Variants in DNAH7 observed in about 807,000 individuals in gnomAD.
DNAH7 encodes dynein axonemal heavy chain 7.
Under a neutral mutation model 444.6 loss-of-function variants are expected in DNAH7, and 397 were observed. The observed-to-expected ratio is 0.89, with a 90% CI of 0.82 to 0.97. The LOEUF (loss-of-function observed/expected upper bound fraction) is 0.97. Among genes scored for constraint, DNAH7 ranks in the 50% least tolerant of loss-of-function variants. The probability of loss-of-function intolerance (pLI) is 0.00; values close to 1 mark genes in which losing one functional copy is unlikely to be tolerated. For missense variants in DNAH7, 4,902 were observed against 4,800.8 expected (o/e 1.02, Z -0.62); for synonymous variants, 1,636 against 1,624.4 (o/e 1.01, Z -0.17).
At chr2:195,787,398 C>T (rs1695673627) in intron 57 of DNAH7, among the ~76,000 whole-genome samples, 1 of 151,990 alleles carries the variant, frequency 6.6e-6, no homozygotes, top group Admixed American at 6.6e-5. Flanking sequence ...GCTGTGTACC[C>T]CAGGTTTTTA....
At chr2:195,767,970 T>C (rs1173139204) in intron 61 of DNAH7, among the ~76,000 whole-genome samples, 1 of 151,736 alleles carries the variant, frequency 6.6e-6, no homozygotes, top group East Asian at 1.9e-4. Context: ...ATTGAAAAAA[T>C]TGAAGTATTT....
intron 24 of DNAH7, among the ~76,000 whole-genome samples, chr2:195,918,762 T>C (rs1687841270): frequency 6.6e-6 from 1 of 152,122 alleles, no homozygotes; most frequent in Non-Finnish European, 1.5e-5. Context: ...GAGGAAATTA[T>C]ATGTGGAGCA....
intron 48 of DNAH7, among the ~76,000 whole-genome samples, chr2:195,833,889 G>C (rs573829562): frequency 6.6e-6 from 1 of 152,088 alleles, no homozygotes; most frequent in Admixed American, 6.5e-5. Flanking sequence ...TGAGTAGCTG[G>C]GATTACAGGC....
In DNAH7 at chr2:195,864,871, C is replaced by T. The variant is rs764263423; in HGVS notation, c.6784G>A (p.Ala2262Thr). The change falls in exon 41 of 65, where the codon GCA becomes ACA. Residue 2262 changes from alanine to threonine, a missense_variant. By Grantham distance (58) the Ala-to-Thr change is moderately conservative. Coordinates refer to ENST00000312428, the MANE Select transcript of DNAH7 (RefSeq NM_018897.3). ...AACATTAAGCTGCGTAAGTCATCTG[C>T]TTCCACCATGCCATCATTATCAAAA... ...LDFDNDGMVEADDLRSLMFCD... is the reference protein window; with the variant it reads ...LDFDNDGMVETDDLRSLMFCD... The T allele has an allele frequency of 1.9e-6, 3 of 1,614,094 alleles. No individual in the cohort carries two copies. Among genetic ancestry groups the T allele is most frequent in the South Asian group, 1.1e-5 (1 of 91,080 alleles).
intron 45 of DNAH7, among the ~76,000 whole-genome samples, chr2:195,854,351 G>A (rs926896929): frequency 2.0e-5 from 3 of 152,050 alleles, no homozygotes; most frequent in Non-Finnish European, 1.5e-5. Flanking sequence ...AAGACATTTA[G>A]GTTATTTTGG....
rs144122020 is a variant in DNAH7 at position 195,805,369 on chromosome 2, A to AG, written c.10176+1370dup. On this transcript the variant is annotated intron_variant, in intron 54 of 64. Coordinates refer to ENST00000312428, the MANE Select transcript of DNAH7 (RefSeq NM_018897.3). The stretch of plus-strand genomic sequence containing the variant: ...ACTGAAAATTTTAATAAAATGTTTT[A>AG]GAGGAGGAAGCCACATTAAACAACA... Among the ~76,000 whole-genome samples the AG allele has an allele frequency of 7.7e-3, 1,174 of 152,318 alleles. 73 individuals carry two copies. The East Asian group carries it at 0.16, about 21-fold the overall frequency.
chr2:195,983,086 T>C (rs539189852), intron 15 of DNAH7, among the ~76,000 whole-genome samples: 63 of 152,302 alleles, frequency 4.1e-4, no homozygotes, highest in Middle Eastern at 3.4e-3. Context: ...ATATCTCATA[T>C]TCCCCATAAA....
intron 30 of DNAH7, among the ~76,000 whole-genome samples, chr2:195,892,131 A>G (rs1702048222): frequency 2.0e-5 from 3 of 152,232 alleles, no homozygotes; most frequent in African/African-American, 7.2e-5. Flanking sequence ...TCTTCTGTAA[A>G]AGATAAGATG....
At position 195,799,462 on chromosome 2, in the gene DNAH7, AT is replaced by A; in HGVS notation, c.10186del (p.Met3396CysfsTer6). Reference sequence around the variant, plus strand: ...TCTGTTGATTATAAATTCCTGCAACATTGGAATAACCTAGAAAGAGACAAGG... The same window carrying A: ...TCTGTTGATTATAAATTCCTGCAACATGGAATAACCTAGAAAGAGACAAGG... Reference protein sequence around the residue: ...RCLRPDKVIPMLQEFIINRLG... With the variant: ...RCLRPDKVIPXLQEFIINRLG... On this transcript the variant is annotated frameshift_variant, in exon 55 of 65. Coordinates refer to ENST00000312428, the MANE Select transcript of DNAH7 (RefSeq NM_018897.3). LOFTEE classifies it high-confidence loss of function. The A allele has an allele frequency of 1.9e-6, 3 of 1,598,970 alleles. No homozygotes were observed. Among genetic ancestry groups the A allele is most frequent in the Non-Finnish European group, 2.6e-6 (3 of 1,173,600 alleles).
chr2:195,999,178 T>C (rs1693888469), intron 12 of DNAH7: 1 of 717,336 alleles, frequency 1.4e-6, no homozygotes, highest in East Asian at 2.7e-5. Context: ...AACTTCAGAA[T>C]GCTGAAAGGT....
Position 195,816,675 on chromosome 2 carries a change from G to A in DNAH7, c.9714C>T (p.Phe3238=). The A allele has an allele frequency of 2.5e-6, 4 of 1,613,974 alleles. No individual in the cohort carries two copies. Among genetic ancestry groups the A allele is most frequent in the South Asian group, 1.1e-5 (1 of 91,006 alleles). Reference sequence around the variant, plus strand: ...TCTCTGAATTTTCAATAGACAGGATGAAAAGGTTAATAAACCAGGTCAGTG... The same window carrying A: ...TCTCTGAATTTTCAATAGACAGGATAAAAAGGTTAATAAACCAGGTCAGTG... ...QYSLTWFINL[F]ILSIENSEKS... Residue 3238 remains phenylalanine, a synonymous_variant, in exon 51 of 65, where the codon TTC becomes TTT. Transcript: ENST00000312428.
At chr2:196,067,126 G>C (rs1181399463) in intron 1 of DNAH7, among the ~76,000 whole-genome samples, 1 of 152,146 alleles carries the variant, frequency 6.6e-6, no homozygotes, top group East Asian at 1.9e-4. Flanking sequence ...CTTTTATAAA[G>C]ATGAAGCAAA....
intron 10 of DNAH7, among the ~76,000 whole-genome samples, chr2:196,005,655 A>T (rs1190528747): frequency 6.6e-6 from 1 of 152,116 alleles, no homozygotes; most frequent in Non-Finnish European, 1.5e-5. Context: ...ACCAAATCTG[A>T]CTTAAAAAGA....
intron 19 of DNAH7, among the ~76,000 whole-genome samples, chr2:195,952,900 T>C (rs1690364555): frequency 6.6e-6 from 1 of 152,170 alleles, no homozygotes; most frequent in African/African-American, 2.4e-5. Flanking sequence ...TTGGAGGAGT[T>C]TGTTATTACC....
At chr2:195,904,756 T>C (rs1574722930) in intron 27 of DNAH7, 1 of 151,224 alleles carries the variant, frequency 6.6e-6, no homozygotes, top group Non-Finnish European at 1.5e-5. Flanking sequence ...ATTGTAGGAG[T>C]TGTGTGAAAT....
Position 195,988,195 on chromosome 2 carries a change from A to G in DNAH7, c.1388T>C (p.Ile463Thr). ...SKSKPTTLKPIILNEIVDAHK... is the reference protein window; with the variant it reads ...SKSKPTTLKPTILNEIVDAHK... ...AGCATCTACAATTTCATTCAGAATT[A>G]TGGGCTTCAAGGTTGTTGGTTTAGA... The change falls in exon 13 of 65, where the codon ATA (isoleucine) becomes ACA (threonine). Residue 463 changes from isoleucine (I) to threonine (T), a missense_variant. Coordinates refer to ENST00000312428, the MANE Select transcript of DNAH7 (RefSeq NM_018897.3). 1 of 1,612,506 alleles carries G rather than the reference A, an allele frequency of 6.2e-7. No homozygotes were observed. The highest frequency in any genetic ancestry group is 8.5e-7 in the Non-Finnish European group (1 of 1,179,428).
rs1188673437 is a variant in DNAH7 at position 195,857,742 on chromosome 2, A to G, written c.8068-19T>C. On this transcript the variant is annotated intron_variant, in intron 43 of 64. Coordinates refer to ENST00000312428, the MANE Select transcript of DNAH7 (RefSeq NM_018897.3). Reference sequence around the variant, plus strand: ...TAATATCCTTGAAATAACAACGTTAATTATTTTAAAAGACATGTTTGTTTA... The same window carrying G: ...TAATATCCTTGAAATAACAACGTTAGTTATTTTAAAAGACATGTTTGTTTA... The G allele has an allele frequency of 1.9e-6, 3 of 1,542,920 alleles. No individual in the cohort carries two copies. Among genetic ancestry groups the G allele is most frequent in the African/African-American group, 1.4e-5 (1 of 72,004 alleles).
intron 43 of DNAH7, 41 bp from the exon 44 acceptor site, chr2:195,857,764 T>C: frequency 6.7e-7 from 1 of 1,487,188 alleles, no homozygotes; most frequent in Non-Finnish European, 9.0e-7. Flanking sequence ...GACATGTTTG[T>C]TTATACAGTA....
Position 196,019,279 on chromosome 2 carries a change from T to C in DNAH7, c.760A>G (p.Lys254Glu). ...AHRAEMEILP[K>E]PWRKSFLAAS... Reference sequence around the variant, plus strand: ...GCTAAAAAAGATTTCCTCCAAGGTTTTGGCAGAATTTCCATTCTGAAAACA... The same window carrying C: ...GCTAAAAAAGATTTCCTCCAAGGTTCTGGCAGAATTTCCATTCTGAAAACA... The change falls in exon 9 of 65, where the codon AAA (lysine) becomes GAA (glutamate). Residue 254 changes from lysine (K) to glutamate (E), a missense_variant. Transcript: ENST00000312428. The C allele has an allele frequency of 2.0e-6, 3 of 1,485,946 alleles. No homozygotes were observed. Among genetic ancestry groups the C allele is most frequent in the South Asian group, 1.5e-5 (1 of 67,314 alleles). The allele number at this position is 1,485,946 out of a possible 1,614,324, so 92.0% of individuals were successfully genotyped here. A position where few individuals can be genotyped will look rare whatever the true frequency, so the allele number is the denominator to read the frequency against.
Sources: gnomAD v4.1 joint callset for allele counts (sites outside exome capture counted in the v4.1 genomes callset) on GRCh38, gnomAD v4.1.1 for gene constraint, MANE v1.5 for transcripts, NCBI Gene and HGNC (gene_info 2026-07-23, HGNC 2026-07-21) for gene names.